Variants in UBLCP1 observed in about 807,000 individuals in gnomAD.
The protein encoded by UBLCP1 is ubiquitin like domain containing CTD phosphatase 1.
Under a neutral mutation model 42.4 loss-of-function variants are expected in UBLCP1, and 28 were observed. The ratio of observed to expected loss-of-function variants is 0.66; its 90% confidence interval spans 0.49 to 0.90. UBLCP1 has a LOEUF of 0.90. Among genes scored for constraint, UBLCP1 ranks in the 40% least tolerant of loss-of-function variants. The pLI is 0.00. For missense variants in UBLCP1, 279 were observed against 374.5 expected, an observed-to-expected ratio of 0.75 and a Z score of 2.10; for synonymous variants, 122 against 120.8, an observed-to-expected ratio of 1.01 and a Z score of -0.07.
Position 159,275,190 on chromosome 5 carries a change from A to G in UBLCP1, c.628A>G (p.Met210Val), listed in dbSNP as rs1335441129. ...AAATGCAAATTATAAGATTACTTTC[A>G]TGTTGGATAGTGCTGCTATGATAAC... is the stretch of plus-strand genomic sequence containing the variant. Reference protein sequence around the residue: ...STNANYKITFMLDSAAMITVH... With the variant: ...STNANYKITFVLDSAAMITVH... Residue 210 changes from methionine to valine, a missense_variant, in exon 8 of 11, where the codon ATG (methionine) becomes GTG (valine). Met to Val is a conservative substitution (Grantham distance 21). Coordinates refer to ENST00000296786, the MANE Select transcript of UBLCP1 (RefSeq NM_145049.5). 1.2e-6 allele frequency: 2 copies of G among 1,613,386 alleles called. No homozygotes were observed. Among genetic ancestry groups the G allele is most frequent in the East Asian group, 4.5e-5 (2 of 44,754 alleles).
Position 159,285,059 on chromosome 5 carries a change from G to T in UBLCP1, c.*128G>T. 2.4e-6 allele frequency: 2 copies of T among 832,140 alleles called. No homozygotes were observed. Among genetic ancestry groups the T allele is most frequent in the East Asian group, 2.7e-5 (1 of 36,976 alleles). The allele number at this position is 832,140 out of a possible 1,614,324, so 51.5% of individuals were successfully genotyped here. ...CATACTGCTTATACTTGGTCTTCCA[G>T]TTTTTTGTAAATTTAATTTTATATT... On this transcript the variant is annotated 3_prime_UTR_variant, in exon 11 of 11. Transcript: ENST00000296786.
chr5:159,279,493 C>T (rs1190403556), intron 9 of UBLCP1, among the ~76,000 whole-genome samples: 2 of 152,218 alleles, frequency 1.3e-5, no homozygotes, highest in African/African-American at 4.8e-5. Context: ...TTTTCATTCT[C>T]AGTCCTAAAC....
chr5:159,282,753 GAT>G (rs1473467566), intron 9 of UBLCP1, among the ~76,000 whole-genome samples: 1 of 151,922 alleles, frequency 6.6e-6, no homozygotes, highest in Non-Finnish European at 1.5e-5. Flanking sequence ...AATGTATAAT[GAT>G]ATCTCAGCTA....
chr5:159,277,830 G>A (rs1035116449), intron 8 of UBLCP1, among the ~76,000 whole-genome samples: 3 of 151,886 alleles, frequency 2.0e-5, no homozygotes, highest in Non-Finnish European at 4.4e-5. Context: ...TTTTTGACTA[G>A]GGTGTTCTAG....
At position 159,285,196 on chromosome 5, in the gene UBLCP1, CCACACACACA is replaced by C. The variant is rs70987962; in HGVS notation, c.*304_*313del. ...GGTTACTGACCACCCCACCCTCCCA[CCACACACACA>C]CACACACACACACACACACACACAC... On this transcript the variant is annotated 3_prime_UTR_variant, in exon 11 of 11. Coordinates refer to ENST00000296786, the MANE Select transcript of UBLCP1 (RefSeq NM_145049.5). 4.3e-3 allele frequency: 1,083 copies of C among 251,966 alleles called. 15 individuals carry two copies. The highest frequency in any genetic ancestry group is 0.023 in the African/African-American group (696 of 30,740). The allele number at this position is 251,966 out of a possible 1,614,324, so 15.6% of individuals were successfully genotyped here.
At chr5:159,267,705 G>A (rs1040184169) in intron 1 of UBLCP1, among the ~76,000 whole-genome samples, 1 of 152,176 alleles carries the variant, frequency 6.6e-6, no homozygotes, top group African/African-American at 2.4e-5. Context: ...TTGAATCTTG[G>A]GGGGTGGTCT....
chr5:159,284,823 A>G (rs1753651024), intron 10 of UBLCP1, 81 bp from the exon 11 acceptor site: 1 of 1,472,430 alleles, frequency 6.8e-7, no homozygotes, highest in Non-Finnish European at 9.5e-7. Context: ...CATTAGAACA[A>G]ACTCCTTTGG....
chr5:159,266,446 G>A (rs1753392551), intron 1 of UBLCP1, among the ~76,000 whole-genome samples: 2 of 152,224 alleles, frequency 1.3e-5, no homozygotes, highest in African/African-American at 2.4e-5. Context: ...AAGGCACTCA[G>A]TTTTATAAGG....
At chr5:159,271,280 G>GCA (rs1175342176) in intron 5 of UBLCP1, among the ~76,000 whole-genome samples, 1 of 151,722 alleles carries the variant, frequency 6.6e-6, no homozygotes, top group Non-Finnish European at 1.5e-5. Context: ...GGGCAACAGA[G>GCA]CAAGACCTCA....
chr5:159,274,513 T>C, intron 6 of UBLCP1, 72 bp from the exon 7 acceptor site: 21 of 1,375,272 alleles, frequency 1.5e-5, no homozygotes, highest in Non-Finnish European at 1.9e-5. Flanking sequence ...TTAGAAAACT[T>C]ACTTATACAG....
intron 5 of UBLCP1, among the ~76,000 whole-genome samples, 178 bp downstream of exon 5, chr5:159,270,821 T>C (rs1348136231): frequency 1.6e-5 from 2 of 127,774 alleles, no homozygotes; most frequent in Non-Finnish European, 3.6e-5. Context: ...AAAAAAGTCA[T>C]CTGTAATCCT....
In UBLCP1 at chr5:159,268,970, C is replaced by G. The variant is rs1482778725; in HGVS notation, c.55C>G (p.Leu19Val). 1 of 1,611,998 alleles carries G rather than the reference C, an allele frequency of 6.2e-7. No homozygotes were observed. Among genetic ancestry groups the G allele is most frequent in the Non-Finnish European group, 8.5e-7 (1 of 1,179,146 alleles). Residue 19 changes from leucine (L) to valine (V), a missense_variant, in exon 2 of 11, where the codon CTT (leucine) becomes GTT (valine). Coordinates refer to ENST00000296786, the MANE Select transcript of UBLCP1 (RefSeq NM_145049.5). ...WGGQEYSVTT[L>V]SEDDTVLDLK... ...TGGACAGGAGTATTCAGTGACCACACTTTCAGAAGATGATACTGTGCTCGA... is the reference window on the plus strand; with the variant it reads ...TGGACAGGAGTATTCAGTGACCACAGTTTCAGAAGATGATACTGTGCTCGA...
At chr5:159,274,685 T>C in intron 7 of UBLCP1, 63 bp downstream of exon 7, 1 of 1,456,662 alleles carries the variant, frequency 6.9e-7, no homozygotes, top group South Asian at 1.2e-5. Flanking sequence ...TGTTAAAAGT[T>C]CTAGAACTGA....
chr5:159,284,500 A>G (rs1224807468), intron 10 of UBLCP1, among the ~76,000 whole-genome samples: 2 of 152,096 alleles, frequency 1.3e-5, no homozygotes, highest in Non-Finnish European at 2.9e-5. Flanking sequence ...ATGGAGTTTG[A>G]TCTGTATTTG....
At chr5:159,265,064 G>A (rs879901584) in intron 1 of UBLCP1, among the ~76,000 whole-genome samples, 12 of 152,096 alleles carry the variant, frequency 7.9e-5, no homozygotes, top group Admixed American at 4.6e-4. Flanking sequence ...AATGGAATAC[G>A]TTACCCTAAA....
At chr5:159,284,166 C>T (rs1384258471) in intron 10 of UBLCP1, among the ~76,000 whole-genome samples, 2 of 152,092 alleles carry the variant, frequency 1.3e-5, no homozygotes, top group African/African-American at 2.4e-5. Flanking sequence ...CATTTTTACC[C>T]CCATCTTTAA....
chr5:159,271,423 C>T (rs1006234689), intron 5 of UBLCP1, among the ~76,000 whole-genome samples: 1 of 152,064 alleles, frequency 6.6e-6, no homozygotes, highest in East Asian at 1.9e-4. Flanking sequence ...TGCCACTGCA[C>T]TCCAACCTGG....
At chr5:159,283,012 T>C (rs1753626221) in intron 9 of UBLCP1, among the ~76,000 whole-genome samples, 200 bp from the exon 10 acceptor site, 1 of 152,184 alleles carries the variant, frequency 6.6e-6, no homozygotes. Context: ...AAAGATAATG[T>C]TAGGTAAAAT....
Position 159,269,100 on chromosome 5 carries a change from A to G in UBLCP1, c.154+31A>G, listed in dbSNP as rs571641656. ...TCTCTCCCCTCTTCAGATTTTTTGCATTGAATTTTTAGTATTATGAATTTT... is the reference window on the plus strand; with the variant it reads ...TCTCTCCCCTCTTCAGATTTTTTGCGTTGAATTTTTAGTATTATGAATTTT... On this transcript the variant is annotated intron_variant, in intron 2 of 10. Transcript: ENST00000296786. 230 of 1,464,768 alleles carry G rather than the reference A, an allele frequency of 1.6e-4. 1 individual carries two copies. In the South Asian group the frequency reaches 3.3e-3, roughly 21 times the overall value. 90.7% of individuals were successfully genotyped at this position (1,464,768 alleles called of 1,614,324 possible).
Sources: gnomAD v4.1 joint callset for allele counts (sites outside exome capture counted in the v4.1 genomes callset) on GRCh38, gnomAD v4.1.1 for gene constraint, MANE v1.5 for transcripts, NCBI Gene and HGNC (gene_info 2026-07-23, HGNC 2026-07-21) for gene names.